The following TTLL5 variants were observed in gnomAD, a reference collection of about 807,000 sequenced individuals.
TTLL5 encodes the protein tubulin polyglutamylase TTLL5.
In TTLL5, 132 loss-of-function variants were observed where a neutral mutation model predicts 168.4. The ratio of observed to expected loss-of-function variants is 0.78; its 90% CI spans 0.68 to 0.91. TTLL5 has a LOEUF of 0.91. Among genes scored for constraint, TTLL5 ranks in the 40% least tolerant of loss-of-function variants. TTLL5 has a pLI of 0.00. For missense variants in TTLL5, 1,545 were observed against 1,581.5 expected (o/e 0.98, Z 0.39); for synonymous variants, 546 against 558.6 (o/e 0.98, Z 0.32).
At chr14:75,940,698 C>CA (rs1182813632) in intron 31 of TTLL5, among the ~76,000 whole-genome samples, 2 of 152,138 alleles carry the variant, frequency 1.3e-5, no homozygotes, top group Non-Finnish European at 2.9e-5. Context: ...AATGTAGTTA[C>CA]AAAAAGAAAC....
chr14:75,693,829 G>A (rs569885200), intron 6 of TTLL5, among the ~76,000 whole-genome samples: 7 of 152,286 alleles, frequency 4.6e-5, no homozygotes, highest in South Asian at 2.1e-4. Context: ...TTTCATGTCC[G>A]CCAACTAATT....
chr14:75,791,105 C>CAAAAAAAAAAAAAAAAAA lies in TTLL5; in HGVS notation c.2987-1809_2987-1792dup, dbSNP rs372035829. Reference sequence around the variant, plus strand: ...TGGGTGACAGAGCAAGACTCTGTCTCAAAAAAAAAAAAAAAAAAATACCAC... The same window carrying CAAAAAAAAAAAAAAAAAA: ...TGGGTGACAGAGCAAGACTCTGTCTCAAAAAAAAAAAAAAAAAAAAAAAAAAAAAAAAAAAAATACCAC... On this transcript the variant is annotated intron_variant, in intron 26 of 31. Coordinates refer to ENST00000298832, the MANE Select transcript of TTLL5 (RefSeq NM_015072.5). Among the ~76,000 whole-genome samples, 25 of 77,266 alleles carry CAAAAAAAAAAAAAAAAAA rather than the reference C, an allele frequency of 3.2e-4. 1 individual carries two copies. Among genetic ancestry groups the CAAAAAAAAAAAAAAAAAA allele is most frequent in the African/African-American group, 1.7e-3 (22 of 13,146 alleles). 50.7% of individuals were successfully genotyped at this position (77,266 alleles called of 152,430 possible).
At chr14:75,732,198 T>G (rs1719212746) in intron 12 of TTLL5, 140 bp from the exon 13 acceptor site, 1 of 592,188 alleles carries the variant, frequency 1.7e-6, no homozygotes, top group Non-Finnish European at 2.9e-6. Flanking sequence ...TCTTGAAAGA[T>G]TCTCTGCTTC....
At chr14:75,668,044 C>T (rs1883425969) in intron 2 of TTLL5, among the ~76,000 whole-genome samples, 1 of 152,054 alleles carries the variant, frequency 6.6e-6, no homozygotes, top group African/African-American at 2.4e-5. Flanking sequence ...CAGGCGTGAG[C>T]CACCGTGTCC....
At position 75,782,545 on chromosome 14, in the gene TTLL5, G is replaced by A. The variant is rs779622224; in HGVS notation, c.2574G>A (p.Thr858=). ...VKIKPPKQQQ[T]TEIHSDKLSR... is the part of the protein sequence containing the mutation. The stretch of plus-strand genomic sequence containing the variant: ...TAAAGCCACCTAAACAGCAACAGAC[G>A]ACAGAAATTCATTCTGATAAATTAT... Residue 858 remains threonine, a synonymous_variant, in exon 25 of 32, where the codon ACG becomes ACA. Coordinates refer to ENST00000298832, the MANE Select transcript of TTLL5 (RefSeq NM_015072.5). 3 of 1,613,780 alleles carry A rather than the reference G, an allele frequency of 1.9e-6. No individual in the cohort carries two copies. Among genetic ancestry groups the A allele is most frequent in the Non-Finnish European group, 2.5e-6 (3 of 1,179,874 alleles).
intron 30 of TTLL5, among the ~76,000 whole-genome samples, chr14:75,900,109 G>A (rs937843973): frequency 6.6e-6 from 1 of 152,156 alleles, no homozygotes; most frequent in Non-Finnish European, 1.5e-5. Context: ...CTTGGACATG[G>A]AAGAGCAAAC....
At position 75,720,665 on chromosome 14, in the gene TTLL5, C is replaced by T; in HGVS notation, c.1004C>T (p.Ala335Val). ...IISAELAIAT[A>V]CKTFVPHRSS... ...TCTGCTGAACTAGCTATTGCTACTG[C>T]CTGTAAAACCTTTGTTCCTCATCGC... is the stretch of plus-strand genomic sequence containing the variant. The change falls in exon 12 of 32, where the codon GCC becomes GTC. Residue 335 changes from alanine (A) to valine (V), a missense_variant. Transcript: ENST00000298832. 6.2e-7 allele frequency: 1 copy of T among 1,613,680 alleles called. No individual in the cohort carries two copies. The highest frequency in any genetic ancestry group is 8.5e-7 in the Non-Finnish European group (1 of 1,179,664).
intron 20 of TTLL5, among the ~76,000 whole-genome samples, chr14:75,768,396 A>C (rs1307974540): frequency 6.6e-6 from 1 of 152,208 alleles, no homozygotes; most frequent in Non-Finnish European, 1.5e-5. Flanking sequence ...GTGAGTGGAG[A>C]AAATAAGAAA....
chr14:75,886,942 ATGT>A, intron 30 of TTLL5: 4 of 1,426,080 alleles, frequency 2.8e-6, no homozygotes, highest in African/African-American at 1.4e-5. Context: ...GGGGCCAAAG[ATGT>A]TGTAACCTGG....
chr14:75,698,036 T>C (rs1001739731), intron 6 of TTLL5, among the ~76,000 whole-genome samples: 2 of 152,210 alleles, frequency 1.3e-5, no homozygotes, highest in African/African-American at 2.4e-5. Flanking sequence ...TTTTTACCTT[T>C]CATCCCATCT....
At chr14:75,840,647 A>G (rs1205021922) in intron 28 of TTLL5, among the ~76,000 whole-genome samples, 1 of 152,136 alleles carries the variant, frequency 6.6e-6, no homozygotes. Flanking sequence ...TTCCCACAAT[A>G]ATTCAGAACT....
At chr14:75,787,967 A>T (rs1892468130) in intron 26 of TTLL5, among the ~76,000 whole-genome samples, 1 of 152,332 alleles carries the variant, frequency 6.6e-6, no homozygotes, top group East Asian at 1.9e-4. Flanking sequence ...GTAGAGAGCA[A>T]TGCAAGTCAG....
chr14:75,826,923 A>AAAGAGCTCATCCT (rs2307515), intron 28 of TTLL5, among the ~76,000 whole-genome samples: 10 of 151,988 alleles, frequency 6.6e-5, no homozygotes, highest in Non-Finnish European at 1.0e-4. Context: ...TCCTTTAACT[A>AAAGAGCTCATCCT]ACCCACCTGC....
Position 75,731,664 on chromosome 14 carries a change from A to G in TTLL5, c.1043-674A>G, listed in dbSNP as rs539252233. On this transcript the variant is annotated intron_variant, in intron 12 of 31. Transcript: ENST00000298832. ...CTTAAATAATATTAGTAGTGCAAAG[A>G]TACCTTGTCACACCTGTGCTCTGCT... 5.3e-5 allele frequency among the ~76,000 whole-genome samples: 8 copies of G among 152,286 alleles called. No homozygotes were observed. The South Asian group carries it at 1.7e-3, about 32-fold the overall frequency.
intron 28 of TTLL5, among the ~76,000 whole-genome samples, chr14:75,850,976 C>T (rs1896816344): frequency 6.6e-6 from 1 of 151,424 alleles, no homozygotes. Context: ...CACCTGTAGT[C>T]CTAGCTACTC....
Position 75,820,113 on chromosome 14 carries a change from A to C in TTLL5, c.3278A>C (p.Gln1093Pro), listed in dbSNP as rs368975108. Residue 1093 changes from glutamine (Q) to proline (P), a missense_variant, in exon 28 of 32, where the codon CAG becomes CCG. Gln to Pro is a moderately conservative substitution (Grantham distance 76). Transcript: ENST00000298832. The part of the protein sequence containing the change: ...ISPSGPTWST[Q>P]SDPQAPENHS... ...CCTAGTGGCCCGACATGGTCTACAC[A>C]GTCAGACCCCCAAGCTCCCGAGAAT... The C allele has an allele frequency of 6.2e-7, 1 of 1,602,198 alleles. No individual in the cohort carries two copies. Among genetic ancestry groups the C allele is most frequent in the Non-Finnish European group, 8.5e-7 (1 of 1,174,928 alleles).
At chr14:75,885,954 A>G (rs1044561677) in intron 30 of TTLL5, among the ~76,000 whole-genome samples, 2 of 152,180 alleles carry the variant, frequency 1.3e-5, no homozygotes, top group Non-Finnish European at 2.9e-5. Flanking sequence ...TTCCTACAAG[A>G]TGTGTTGCTT....
intron 28 of TTLL5, among the ~76,000 whole-genome samples, chr14:75,821,087 T>C (rs1429341739): frequency 6.6e-6 from 1 of 152,172 alleles, no homozygotes; most frequent in Non-Finnish European, 1.5e-5. Context: ...GACTTGGACA[T>C]GGAGGAAATA....
intron 30 of TTLL5, among the ~76,000 whole-genome samples, chr14:75,893,260 A>C (rs958211827): frequency 1.3e-5 from 2 of 152,204 alleles, no homozygotes; most frequent in Non-Finnish European, 2.9e-5. Flanking sequence ...TGAAGAAGAC[A>C]TGAGTCCTCA....
Sources: allele counts gnomAD v4.1 joint callset (sites outside exome capture counted in the v4.1 genomes callset), GRCh38; gene constraint gnomAD v4.1.1; transcripts MANE v1.5; gene names NCBI Gene and HGNC (gene_info 2026-07-23, HGNC 2026-07-21).